NID2: variants seen among roughly 807,000 people sequenced by gnomAD.
NID2 encodes the protein nidogen 2, also known as nidogen-2.
NID2 carries 83 observed loss-of-function variants against 145.4 expected under a neutral mutation model. That is an observed-to-expected ratio of 0.57 (90% CI 0.48 to 0.69). The LOEUF (loss-of-function observed/expected upper bound fraction) is 0.69. Among genes scored for constraint, NID2 ranks in the 30% least tolerant of loss-of-function variants. The pLI is 0.00. For synonymous variants in NID2, 739 were observed against 701.3 expected (o/e 1.05, Z -0.85); for missense variants, 1,807 against 1,765.7 (o/e 1.02, Z -0.42).
rs190885604 is a variant in NID2, at chr14:52,057,771, A to G, written c.767+2353T>C. On this transcript the variant is annotated intron_variant, in intron 3 of 21. Coordinates refer to ENST00000216286, the MANE Select transcript of NID2 (RefSeq NM_007361.4). ...ACAAACAAAAAAATGAATATGGCAA[A>G]ATGTTTACAATGTATAAATCTAGGT... Among the ~76,000 whole-genome samples, 439 of 151,992 alleles carry G rather than the reference A, an allele frequency of 2.9e-3. 2 individuals carry two copies. The highest frequency in any genetic ancestry group is 3.4e-3 in the Non-Finnish European group (229 of 67,986).
Position 52,027,416 on chromosome 14 carries a change from G to A in NID2, c.2531-72C>T, listed in dbSNP as rs1891628926. ...GGATGAGCCTCACTCCTCATGGCAT[G>A]ATCCACAGACCAACAGCAACAGACC... On this transcript the variant is annotated intron_variant, in intron 11 of 21. Coordinates refer to ENST00000216286, the MANE Select transcript of NID2 (RefSeq NM_007361.4). The A allele has an allele frequency of 2.2e-6, 3 of 1,335,732 alleles. No homozygotes were observed. The East Asian group carries it at 8.4e-5, about 38-fold the overall frequency. 82.7% of individuals were successfully genotyped at this position (1,335,732 alleles called of 1,614,324 possible). A position where few individuals can be genotyped will look rare whatever the true frequency, so the allele number is the denominator to read the frequency against.
chr14:52,027,667 C>CACACAT (rs1555363350), intron 11 of NID2, among the ~76,000 whole-genome samples: 2 of 149,838 alleles, frequency 1.3e-5, no homozygotes, highest in Non-Finnish European at 3.0e-5. Flanking sequence ...CACACACACA[C>CACACAT]GCAGTTTCTC....
At chr14:52,035,405 A>G (rs1566759140) in intron 9 of NID2, among the ~76,000 whole-genome samples, 1 of 152,230 alleles carries the variant, frequency 6.6e-6, no homozygotes, top group East Asian at 1.9e-4. Flanking sequence ...TCACAGAGCA[A>G]CATGCTTTTA....
chr14:52,036,259 T>G (rs1263478224), intron 9 of NID2, among the ~76,000 whole-genome samples: 1 of 152,236 alleles, frequency 6.6e-6, no homozygotes, highest in Non-Finnish European at 1.5e-5. Context: ...CACATAATTG[T>G]AACCATTCAG....
intron 12 of NID2, among the ~76,000 whole-genome samples, chr14:52,021,397 C>T (rs927473803): frequency 2.0e-5 from 3 of 152,140 alleles, no homozygotes; most frequent in Admixed American, 6.5e-5. Flanking sequence ...ACCCAGGCTC[C>T]CATGACCCAC....
chr14:52,049,144 G>A (rs190224878), intron 5 of NID2, among the ~76,000 whole-genome samples: 9 of 151,928 alleles, frequency 5.9e-5, no homozygotes, highest in African/African-American at 2.2e-4. Flanking sequence ...GTTGCTAAAG[G>A]ATTCTTAACA....
chr14:52,058,067 T>C (rs550838348), intron 3 of NID2, among the ~76,000 whole-genome samples: 12 of 152,206 alleles, frequency 7.9e-5, no homozygotes, highest in Admixed American at 3.9e-4. Flanking sequence ...GAAACGAGAA[T>C]GTGAGCAATG....
At chr14:52,030,568 GGAAGGAAGGGAA>G (rs1891799996) in intron 9 of NID2, among the ~76,000 whole-genome samples, 8 of 37,692 alleles carry the variant, frequency 2.1e-4, no homozygotes, top group Non-Finnish European at 4.6e-4. Context: ...AAGAAAGAAA[GGAAGGAAGGGAA>G]AGAAAGAAAG....
intron 3 of NID2, among the ~76,000 whole-genome samples, chr14:52,057,322 C>G (rs1595053412): frequency 6.6e-6 from 1 of 152,210 alleles, no homozygotes; most frequent in East Asian, 1.9e-4. Flanking sequence ...GGATTAGAAC[C>G]ACCTTGCCCA....
intron 3 of NID2, among the ~76,000 whole-genome samples, chr14:52,057,923 G>T (rs1892909270): frequency 6.6e-6 from 1 of 152,034 alleles, no homozygotes; most frequent in Non-Finnish European, 1.5e-5. Context: ...ATGTACAGAA[G>T]TTCTTCCTAA....
Position 52,015,060 on chromosome 14 carries a change from G to C in NID2, c.3244C>G (p.Pro1082Ala). Residue 1082 changes from proline (P) to alanine (A), a missense_variant, in exon 15 of 22, where the codon CCT becomes GCT. Physicochemically the swap from Pro to Ala is conservative, Grantham distance 27. Transcript: ENST00000216286. ...QGTRSQPGTTPACIPTVAPPM... is the reference protein window; with the variant it reads ...QGTRSQPGTTAACIPTVAPPM... ...GGGGCGGCCAGGTGCTTACACGCAGGGGTGGTGCCTGGCTGGGAGCGGGTG... is the reference window on the plus strand; with the variant it reads ...GGGGCGGCCAGGTGCTTACACGCAGCGGTGGTGCCTGGCTGGGAGCGGGTG... 2.5e-6 allele frequency: 4 copies of C among 1,613,086 alleles called. No individual in the cohort carries two copies. Among genetic ancestry groups the C allele is most frequent in the Non-Finnish European group, 3.4e-6 (4 of 1,179,488 alleles).
chr14:52,024,234 AT>A (rs1051487879), intron 12 of NID2, among the ~76,000 whole-genome samples: 3 of 152,194 alleles, frequency 2.0e-5, no homozygotes. Context: ...GTCTTGTGTA[AT>A]CCCCACCCTT....
chr14:52,046,341 A>AAAAAAAAAAAAGC (rs33978626), intron 5 of NID2, among the ~76,000 whole-genome samples: 2 of 123,172 alleles, frequency 1.6e-5, no homozygotes, highest in African/African-American at 6.2e-5. Flanking sequence ...AAAAAAAAAA[A>AAAAAAAAAAAAGC]AGCCGTTTTC....
chr14:52,030,654 GAAAGAAAGAAAAAGA>G (rs1891825153), intron 9 of NID2, among the ~76,000 whole-genome samples: 2 of 150,686 alleles, frequency 1.3e-5, no homozygotes, highest in African/African-American at 4.9e-5. Context: ...AAAAGAGAAA[GAAAGAAAGAAAAAGA>G]AAAGAAAGAA....
intron 12 of NID2, among the ~76,000 whole-genome samples, chr14:52,026,059 C>A (rs898323048): frequency 2.6e-5 from 4 of 152,220 alleles, no homozygotes; most frequent in Non-Finnish European, 4.4e-5. Flanking sequence ...CCACCATGTG[C>A]ACTTGCCCCA....
chr14:52,022,902 C>A (rs1038912451), intron 12 of NID2, among the ~76,000 whole-genome samples: 1 of 152,128 alleles, frequency 6.6e-6, no homozygotes, highest in African/African-American at 2.4e-5. Context: ...TAACCTCAAA[C>A]CCATCCCAGA....
At chr14:52,035,878 A>ATACATATATATATATATATTTATATT (rs58318209) in intron 9 of NID2, among the ~76,000 whole-genome samples, 48 of 135,190 alleles carry the variant, frequency 3.6e-4, no homozygotes, top group East Asian at 6.5e-4. Context: ...ATATATATAT[A>ATACATATATATATATATATTTATATT]TGTTTTATTT....
intron 9 of NID2, among the ~76,000 whole-genome samples, chr14:52,032,687 T>C (rs894794824): frequency 1.3e-5 from 2 of 152,100 alleles, no homozygotes; most frequent in African/African-American, 4.8e-5. Context: ...TAAATACTAA[T>C]GCTTAGCCTT....
intron 5 of NID2, among the ~76,000 whole-genome samples, chr14:52,050,911 A>G (rs1390968): frequency 0.68 from 103,520 of 152,200 alleles, 36,137 homozygotes; most frequent in Non-Finnish European, 0.78. Context: ...AGCAGGCTGC[A>G]CTTAGCAAAT....
Sources: gnomAD v4.1 joint callset for allele counts (sites outside exome capture counted in the v4.1 genomes callset) on GRCh38, gnomAD v4.1.1 for gene constraint, MANE v1.5 for transcripts, NCBI Gene and HGNC (gene_info 2026-07-23, HGNC 2026-07-21) for gene names.